AHCYL2: variants seen among roughly 807,000 people sequenced by gnomAD.
AHCYL2 encodes the protein adenosylhomocysteinase like 2.
A neutral mutation model predicts 81.4 loss-of-function variants in AHCYL2; 28 were observed. The ratio of observed to expected loss-of-function variants is 0.34; its 90% CI spans 0.25 to 0.47. The LOEUF is 0.47. Among genes scored for constraint, AHCYL2 ranks in the 20% least tolerant of loss-of-function variants. AHCYL2 has a pLI of 1.00. For missense variants in AHCYL2, 551 were observed against 785.1 expected, an observed-to-expected ratio of 0.70 and a Z score of 3.56; for synonymous variants, 272 against 290.2, an observed-to-expected ratio of 0.94 and a Z score of 0.64.
intron 4 of AHCYL2, among the ~76,000 whole-genome samples, chr7:129,390,850 T>C (rs1795435363): frequency 6.6e-6 from 1 of 152,226 alleles, no homozygotes; most frequent in Non-Finnish European, 1.5e-5. Flanking sequence ...CTTACACCAG[T>C]GATTCCTACC....
chr7:129,376,149 C>A (rs552804037), intron 1 of AHCYL2, among the ~76,000 whole-genome samples: 2 of 152,160 alleles, frequency 1.3e-5, no homozygotes, highest in African/African-American at 2.4e-5. Flanking sequence ...CCTTAAAAGA[C>A]CCTGGTTCCA....
intron 1 of AHCYL2, among the ~76,000 whole-genome samples, chr7:129,243,948 G>A (rs376629627): frequency 2.0e-5 from 3 of 151,584 alleles, no homozygotes; most frequent in Admixed American, 6.6e-5. Flanking sequence ...GTATGAGATA[G>A]TGATCTTATT....
chr7:129,389,384 TAAA>T (rs11389356), intron 3 of AHCYL2, among the ~76,000 whole-genome samples, 185 bp downstream of exon 3: 6 of 124,944 alleles, frequency 4.8e-5, no homozygotes, highest in Non-Finnish European at 4.9e-5. Context: ...AACCCTGTAT[TAAA>T]AAAAAAAAAA....
At chr7:129,401,149 CTACAAAAAA>C (rs1796011440) in intron 6 of AHCYL2, among the ~76,000 whole-genome samples, 1 of 152,010 alleles carries the variant, frequency 6.6e-6, no homozygotes, top group South Asian at 2.1e-4. Flanking sequence ...CATAGGCTTT[CTACAAAAAA>C]TACAAAAATT....
At chr7:129,282,958 G>GT (rs1317215635) in intron 1 of AHCYL2, among the ~76,000 whole-genome samples, 4 of 152,128 alleles carry the variant, frequency 2.6e-5, no homozygotes, top group African/African-American at 9.7e-5. Context: ...CTCGTGCCTT[G>GT]TTAATTACGG....
chr7:129,308,340 C>A (rs549614166), intron 1 of AHCYL2, among the ~76,000 whole-genome samples: 1 of 152,292 alleles, frequency 6.6e-6, no homozygotes, highest in African/African-American at 2.4e-5. Context: ...CCTGCTGAGT[C>A]CTGTCTGGTG....
At chr7:129,270,868 G>C (rs867398527) in intron 1 of AHCYL2, among the ~76,000 whole-genome samples, 1 of 152,194 alleles carries the variant, frequency 6.6e-6, no homozygotes, top group Non-Finnish European at 1.5e-5. Flanking sequence ...TGTTACCTGG[G>C]GTTGTCTTCA....
At chr7:129,400,496 T>G in intron 6 of AHCYL2, 112 bp downstream of exon 6, 1 of 943,510 alleles carries the variant, frequency 1.1e-6, no homozygotes, top group South Asian at 1.8e-5. Context: ...TGGCTTCATT[T>G]CTATCTGATA....
At chr7:129,228,172 T>C (rs145787005) in intron 1 of AHCYL2, among the ~76,000 whole-genome samples, 5 of 152,372 alleles carry the variant, frequency 3.3e-5, no homozygotes, top group Admixed American at 1.3e-4. Context: ...TGCCTTTGGC[T>C]GTGGAACTGG....
At chr7:129,228,682 G>C (rs1485488252) in intron 1 of AHCYL2, among the ~76,000 whole-genome samples, 1 of 152,178 alleles carries the variant, frequency 6.6e-6, no homozygotes, top group Non-Finnish European at 1.5e-5. Flanking sequence ...GGCAGGAGAG[G>C]ATTTATTTCA....
intron 1 of AHCYL2, among the ~76,000 whole-genome samples, chr7:129,305,331 G>A (rs1366488827): frequency 1.3e-5 from 2 of 152,026 alleles, no homozygotes; most frequent in Non-Finnish European, 2.9e-5. Flanking sequence ...ATGGTGGCAC[G>A]TGCCTGTAGT....
intron 10 of AHCYL2, among the ~76,000 whole-genome samples, chr7:129,408,730 A>G (rs1031767346): frequency 6.6e-4 from 100 of 152,232 alleles, no homozygotes; most frequent in African/African-American, 2.3e-3. Flanking sequence ...TCTATACTGA[A>G]AGAATAGAGA....
chr7:129,349,651 C>CAA (rs34969591), intron 1 of AHCYL2, among the ~76,000 whole-genome samples: 2,473 of 85,410 alleles, frequency 0.029, 89 homozygotes, highest in African/African-American at 0.044. Flanking sequence ...GACTCTGTTT[C>CAA]AAAAAAAAAA....
chr7:129,393,916 A>T (rs1290400816), intron 4 of AHCYL2, among the ~76,000 whole-genome samples: 2 of 152,176 alleles, frequency 1.3e-5, no homozygotes, highest in East Asian at 3.8e-4. Context: ...ATAGACTCCC[A>T]TAGACCCCAT....
Position 129,341,262 on chromosome 7 carries a change from A to G in AHCYL2, c.364-38376A>G, listed in dbSNP as rs546525145. 3.9e-5 allele frequency among the ~76,000 whole-genome samples: 6 copies of G among 152,352 alleles called. No individual in the cohort carries two copies. In the East Asian group the frequency reaches 9.6e-4, roughly 24 times the overall value. On this transcript the variant is annotated intron_variant, in intron 1 of 16. Coordinates refer to ENST00000325006, the MANE Select transcript of AHCYL2 (RefSeq NM_015328.4). ...AAAAGGACATTGAGCTTCTAGGGGTAGCAAGTGTGGGAACACAAATATATG... is the reference window on the plus strand; with the variant it reads ...AAAAGGACATTGAGCTTCTAGGGGTGGCAAGTGTGGGAACACAAATATATG...
chr7:129,400,484 A>G, intron 6 of AHCYL2, 100 bp downstream of exon 6: 2 of 1,100,314 alleles, frequency 1.8e-6, no homozygotes, highest in Non-Finnish European at 2.6e-6. Context: ...AAGGAAGGAA[A>G]ATGGCTTCAT....
At chr7:129,284,214 GT>G (rs1233251580) in intron 1 of AHCYL2, among the ~76,000 whole-genome samples, 2 of 152,140 alleles carry the variant, frequency 1.3e-5, no homozygotes, top group African/African-American at 4.8e-5. Context: ...TGATTCCGTA[GT>G]TAAGATGAAG....
chr7:129,414,791 T>C (rs1796764974), intron 12 of AHCYL2, among the ~76,000 whole-genome samples: 1 of 152,202 alleles, frequency 6.6e-6, no homozygotes, highest in Admixed American at 6.5e-5. Context: ...TTTAAATTTT[T>C]CTGGCATTTT....
At chr7:129,355,080 G>T (rs180821657) in intron 1 of AHCYL2, among the ~76,000 whole-genome samples, 2 of 152,284 alleles carry the variant, frequency 1.3e-5, no homozygotes, top group Non-Finnish European at 2.9e-5. Context: ...AGCAAAAATT[G>T]TCCTGGAATA....
Sources: gnomAD v4.1 joint callset for allele counts (sites outside exome capture counted in the v4.1 genomes callset) on GRCh38, gnomAD v4.1.1 for gene constraint, MANE v1.5 for transcripts, NCBI Gene and HGNC (gene_info 2026-07-23, HGNC 2026-07-21) for gene names.